CACNA2D3: variants seen among roughly 807,000 people sequenced by gnomAD.
The protein encoded by CACNA2D3 is calcium voltage-gated channel auxiliary subunit alpha2delta 3.
In CACNA2D3, 60 loss-of-function variants were observed where a neutral mutation model predicts 160.6. The observed-to-expected ratio is 0.37, with a 90% CI of 0.30 to 0.46. The LOEUF (loss-of-function observed/expected upper bound fraction) is 0.46, where lower values mean the gene tolerates loss of function less well. CACNA2D3 is among the 20% of genes least tolerant of loss of function. The pLI is 1.00. For synonymous variants in CACNA2D3, 558 were observed against 492.9 expected (o/e 1.13, Z -1.75); for missense variants, 1,205 against 1,365.0 (o/e 0.88, Z 1.85).
chr3:54,443,837 A>G (rs534560164), intron 4 of CACNA2D3, among the ~76,000 whole-genome samples: 1 of 152,208 alleles, frequency 6.6e-6, no homozygotes, highest in Non-Finnish European at 1.5e-5. Context: ...GATCAAAGTG[A>G]CCGCAAAGTC....
At chr3:54,877,739 T>C (rs1339679052) in intron 18 of CACNA2D3, among the ~76,000 whole-genome samples, 4 of 152,062 alleles carry the variant, frequency 2.6e-5, no homozygotes, top group Non-Finnish European at 5.9e-5. Flanking sequence ...TACTGGGAGT[T>C]GGGGGTGGGG....
chr3:54,149,883 GTCTCTCTCTCTC>G lies in CACNA2D3; in HGVS notation c.204+26326_204+26337del, dbSNP rs554851240. Among the ~76,000 whole-genome samples, 126 of 60,748 alleles carry G rather than the reference GTCTCTCTCTCTC, an allele frequency of 2.1e-3. 2 individuals carry two copies. The highest frequency in any genetic ancestry group is 6.0e-3 in the South Asian group (8 of 1,336). The allele number at this position is 60,748 out of a possible 152,430, so 39.9% of individuals were successfully genotyped here. ...CAGAGAGGGCTGTCCTGAAGTATCT[GTCTCTCTCTCTC>G]TCTCTCTCTCTCTCTCTCTCTCTCT... On this transcript the variant is annotated intron_variant, in intron 2 of 37. Coordinates refer to ENST00000474759, the MANE Select transcript of CACNA2D3 (RefSeq NM_018398.3).
At position 54,336,187 on chromosome 3, in the gene CACNA2D3, C is replaced by T. The variant is rs116143294; in HGVS notation, c.321+15629C>T. Among the ~76,000 whole-genome samples, 798 of 152,110 alleles carry T rather than the reference C, an allele frequency of 5.2e-3. 8 individuals are homozygous for T. The highest frequency in any genetic ancestry group is 0.018 in the African/African-American group (733 of 41,456). Reference sequence around the variant, plus strand: ...TCTGTATAGTCTTCTTACGCATGGACGCCCTCCTGCTCTGCACAGCCTGAC... The same window carrying T: ...TCTGTATAGTCTTCTTACGCATGGATGCCCTCCTGCTCTGCACAGCCTGAC... On this transcript the variant is annotated intron_variant, in intron 3 of 37. Coordinates refer to ENST00000474759, the MANE Select transcript of CACNA2D3 (RefSeq NM_018398.3).
intron 35 of CACNA2D3, among the ~76,000 whole-genome samples, chr3:55,057,074 C>G (rs1559475795): frequency 1.3e-5 from 2 of 151,978 alleles, no homozygotes; most frequent in Non-Finnish European, 2.9e-5. Flanking sequence ...TGGGAGGGAC[C>G]CGGTGGGAGG....
chr3:54,269,952 T>C (rs963306795), intron 2 of CACNA2D3, among the ~76,000 whole-genome samples: 3 of 152,208 alleles, frequency 2.0e-5, no homozygotes, highest in Admixed American at 6.5e-5. Context: ...GTAATCATAA[T>C]AATATTTAGC....
intron 17 of CACNA2D3, among the ~76,000 whole-genome samples, chr3:54,864,423 C>T (rs1268364207): frequency 2.0e-5 from 3 of 152,174 alleles, no homozygotes; most frequent in African/African-American, 7.2e-5. Context: ...ACGGCACACA[C>T]CACTGCGCTC....
In CACNA2D3 at chr3:54,968,367, A is replaced by G. The variant is rs75686897; in HGVS notation, c.2450-83A>G. ...TATATGCTTATATCAGCTTCTTGCCATGACGGATAATTTTCAACGATAATC... is the reference window on the plus strand; with the variant it reads ...TATATGCTTATATCAGCTTCTTGCCGTGACGGATAATTTTCAACGATAATC... On this transcript the variant is annotated intron_variant, in intron 27 of 37. Coordinates refer to ENST00000474759, the MANE Select transcript of CACNA2D3 (RefSeq NM_018398.3). 4 of 887,068 alleles carry G rather than the reference A, an allele frequency of 4.5e-6. No homozygotes were observed. In the East Asian group the frequency reaches 7.9e-5, roughly 18 times the overall value. 54.9% of individuals were successfully genotyped at this position (887,068 alleles called of 1,614,324 possible).
intron 4 of CACNA2D3, among the ~76,000 whole-genome samples, chr3:54,401,915 T>G (rs988938890): frequency 3.3e-5 from 5 of 151,986 alleles, no homozygotes; most frequent in Admixed American, 1.3e-4. Context: ...GTCAAAACAG[T>G]CAAAAATAAT....
intron 13 of CACNA2D3, among the ~76,000 whole-genome samples, chr3:54,779,592 GA>G (rs1367637632): frequency 6.6e-6 from 1 of 152,152 alleles, no homozygotes; most frequent in Non-Finnish European, 1.5e-5. Flanking sequence ...CTCACTCTCA[GA>G]ACATCAGCTG....
intron 4 of CACNA2D3, among the ~76,000 whole-genome samples, chr3:54,474,471 A>C (rs570991465): frequency 2.7e-4 from 41 of 152,276 alleles, no homozygotes; most frequent in African/African-American, 9.9e-4. Context: ...TGGGTGCAGC[A>C]AACCACTATG....
intron 2 of CACNA2D3, among the ~76,000 whole-genome samples, chr3:54,191,779 A>G (rs547500746): frequency 1.1e-4 from 17 of 152,228 alleles, no homozygotes; most frequent in Non-Finnish European, 2.4e-4. Context: ...GGGAATAATG[A>G]TAGATAAGGA....
At chr3:54,581,772 A>C (rs1401869510) in intron 8 of CACNA2D3, 31 bp from the exon 9 acceptor site, 4 of 1,570,340 alleles carry the variant, frequency 2.5e-6, no homozygotes. Context: ...TCCTTAATTA[A>C]GTGTTCCTTC....
rs913210725 is a variant in CACNA2D3, at chr3:54,582,945, C to T, written c.963+1068C>T. ...GGGCTTCAGTTTGAGGGGAAAGAAG[C>T]AGCATGATAAGCTTCATATTTAGGA... is the stretch of plus-strand genomic sequence containing the variant. On this transcript the variant is annotated intron_variant, in intron 9 of 37. Coordinates refer to ENST00000474759, the MANE Select transcript of CACNA2D3 (RefSeq NM_018398.3). Among the ~76,000 whole-genome samples the T allele has an allele frequency of 5.3e-5, 8 of 152,172 alleles. No individual in the cohort carries two copies. The South Asian group carries it at 8.3e-4, about 16-fold the overall frequency.
intron 4 of CACNA2D3, among the ~76,000 whole-genome samples, chr3:54,415,370 T>TAGGA (rs1212475650): frequency 1.3e-5 from 2 of 152,196 alleles, no homozygotes; most frequent in Non-Finnish European, 1.5e-5. Context: ...CAACTCACCA[T>TAGGA]AAATTTTCCA....
At chr3:54,171,046 C>T (rs1444047779) in intron 2 of CACNA2D3, among the ~76,000 whole-genome samples, 1 of 150,570 alleles carries the variant, frequency 6.6e-6, no homozygotes, top group African/African-American at 2.4e-5. Flanking sequence ...TCCTGAAGGA[C>T]CTTACACATC....
intron 35 of CACNA2D3, among the ~76,000 whole-genome samples, chr3:55,055,562 T>TG (rs1704340447): frequency 6.6e-6 from 1 of 152,068 alleles, no homozygotes; most frequent in South Asian, 2.1e-4. Flanking sequence ...AATTTTGGAA[T>TG]TTTTTTTCTA....
intron 35 of CACNA2D3, among the ~76,000 whole-genome samples, chr3:55,044,277 T>G (rs1157257536): frequency 6.6e-6 from 1 of 152,212 alleles, no homozygotes; most frequent in Non-Finnish European, 1.5e-5. Context: ...TGTCTTTGTT[T>G]TTTCATCAGT....
At chr3:54,212,279 A>G (rs574194528) in intron 2 of CACNA2D3, among the ~76,000 whole-genome samples, 2 of 152,282 alleles carry the variant, frequency 1.3e-5, no homozygotes, top group South Asian at 2.1e-4. Context: ...CAGTATCTGT[A>G]AGGTGTACAT....
intron 4 of CACNA2D3, among the ~76,000 whole-genome samples, chr3:54,429,395 A>C (rs9839906): frequency 0.28 from 42,513 of 151,064 alleles, 6,174 homozygotes; most frequent in African/African-American, 0.34. Flanking sequence ...TGTTTCCTTT[A>C]TTTCTTTCTT....
Sources: gnomAD v4.1 joint callset for allele counts (sites outside exome capture counted in the v4.1 genomes callset) on GRCh38, gnomAD v4.1.1 for gene constraint, MANE v1.5 for transcripts, NCBI Gene and HGNC (gene_info 2026-07-23, HGNC 2026-07-21) for gene names.